Variants in DSCAM observed in about 807,000 individuals in gnomAD.
DSCAM encodes DS cell adhesion molecule.
A neutral mutation model predicts 217.7 loss-of-function variants in DSCAM; 47 were observed. The observed-to-expected ratio is 0.22, with a 90% CI of 0.17 to 0.28. The LOEUF (loss-of-function observed/expected upper bound fraction) is 0.28, where lower values mean the gene tolerates loss of function less well. DSCAM is among the 10% of genes least tolerant of loss of function. The probability of loss-of-function intolerance (pLI) is 1.00; values close to 1 mark genes in which losing one functional copy is unlikely to be tolerated. For missense variants in DSCAM, 2,080 were observed against 2,618.3 expected, an observed-to-expected ratio of 0.79 and a Z score of 4.49; for synonymous variants, 1,056 against 1,015.3, an observed-to-expected ratio of 1.04 and a Z score of -0.76.
chr21:40,271,986 C>T, intron 11 of DSCAM, among the ~76,000 whole-genome samples: 1 of 152,152 alleles, frequency 6.6e-6, no homozygotes, highest in East Asian at 1.9e-4. Context: ...AGGAATAGAC[C>T]TGTCTCCTGG....
At chr21:40,611,428 CAT>C (rs1482092368) in intron 3 of DSCAM, among the ~76,000 whole-genome samples, 2 of 152,112 alleles carry the variant, frequency 1.3e-5, no homozygotes, top group East Asian at 3.8e-4. Flanking sequence ...ACATGTAATT[CAT>C]ATGAAATATC....
intron 3 of DSCAM, among the ~76,000 whole-genome samples, chr21:40,546,494 C>T (rs1317055180): frequency 6.6e-6 from 1 of 152,198 alleles, no homozygotes; most frequent in South Asian, 2.1e-4. Flanking sequence ...CTCTGAGCCA[C>T]CTCAGTTTCC....
intron 32 of DSCAM, among the ~76,000 whole-genome samples, chr21:40,030,354 C>T (rs1444691453): frequency 6.6e-6 from 1 of 152,102 alleles, no homozygotes; most frequent in South Asian, 2.1e-4. Context: ...TCGTTCCCGA[C>T]TGTGGTGAGT....
intron 4 of DSCAM, among the ~76,000 whole-genome samples, chr21:40,362,682 T>C (rs889724144): frequency 2.0e-5 from 3 of 152,204 alleles, no homozygotes; most frequent in African/African-American, 4.8e-5. Context: ...ACAGCAGCTA[T>C]AGGAAAGACA....
intron 3 of DSCAM, among the ~76,000 whole-genome samples, chr21:40,612,016 C>T (rs1012811046): frequency 6.6e-6 from 1 of 152,154 alleles, no homozygotes; most frequent in Non-Finnish European, 1.5e-5. Flanking sequence ...TTGAAATACA[C>T]AGAGCAGGAC....
chr21:40,146,194 G>C (rs1334927647), intron 16 of DSCAM, among the ~76,000 whole-genome samples: 4 of 149,974 alleles, frequency 2.7e-5, no homozygotes, highest in Non-Finnish European at 5.9e-5. Context: ...AGGCCAGCAG[G>C]CATCTAGAAA....
chr21:40,334,781 G>A (rs1004157943), intron 8 of DSCAM, among the ~76,000 whole-genome samples: 3 of 152,086 alleles, frequency 2.0e-5, no homozygotes, highest in South Asian at 2.1e-4. Context: ...TGGAGTATCT[G>A]GGACTACGGG....
At chr21:40,203,865 G>T (rs1304373118) in intron 11 of DSCAM, among the ~76,000 whole-genome samples, 2 of 152,108 alleles carry the variant, frequency 1.3e-5, no homozygotes, top group Non-Finnish European at 2.9e-5. Context: ...GGATCATACA[G>T]ATTTAAAAAT....
At chr21:40,677,992 T>C (rs937126846) in intron 3 of DSCAM, among the ~76,000 whole-genome samples, 2 of 152,214 alleles carry the variant, frequency 1.3e-5, no homozygotes, top group African/African-American at 4.8e-5. Flanking sequence ...ATAATACTTT[T>C]TTTTCAGAAA....
chr21:40,448,171 A>G (rs2037913), intron 3 of DSCAM, among the ~76,000 whole-genome samples: 30,857 of 152,060 alleles, frequency 0.2, 3,824 homozygotes, highest in African/African-American at 0.34. Context: ...TTAATTCTGG[A>G]TGTGTCTGTG....
chr21:40,274,845 T>C (rs2123376374), intron 11 of DSCAM, among the ~76,000 whole-genome samples: 1 of 152,296 alleles, frequency 6.6e-6, no homozygotes, highest in South Asian at 2.1e-4. Flanking sequence ...TTGGAAATAG[T>C]GGACTAACTA....
At chr21:40,497,978 C>T (rs1262542655) in intron 3 of DSCAM, among the ~76,000 whole-genome samples, 1 of 152,160 alleles carries the variant, frequency 6.6e-6, no homozygotes, top group African/African-American at 2.4e-5. Flanking sequence ...TATAATCCAA[C>T]AGACTCATCA....
chr21:40,336,747 T>C (rs1260209884), intron 8 of DSCAM, among the ~76,000 whole-genome samples: 1 of 152,226 alleles, frequency 6.6e-6, no homozygotes, highest in Non-Finnish European at 1.5e-5. Flanking sequence ...ATTCACTTGT[T>C]TTATTTGTTT....
At chr21:40,556,664 A>ACG (rs1555856743) in intron 3 of DSCAM, among the ~76,000 whole-genome samples, 2 of 151,398 alleles carry the variant, frequency 1.3e-5, no homozygotes, top group African/African-American at 4.8e-5. Context: ...AGAGAGAGAG[A>ACG]GGGGAGGTAC....
chr21:40,619,828 T>C (rs1256105924), intron 3 of DSCAM, among the ~76,000 whole-genome samples: 7 of 145,726 alleles, frequency 4.8e-5, no homozygotes, highest in Admixed American at 2.7e-4. Flanking sequence ...ACAGAGAAGA[T>C]TTTAAGCATG....
intron 10 of DSCAM, among the ~76,000 whole-genome samples, chr21:40,283,233 G>A (rs2073786360): frequency 6.6e-6 from 1 of 152,174 alleles, no homozygotes; most frequent in Non-Finnish European, 1.5e-5. Flanking sequence ...GTAAAATCCT[G>A]TAATCTTCTT....
intron 3 of DSCAM, among the ~76,000 whole-genome samples, chr21:40,666,595 G>A (rs376894552): frequency 6.6e-6 from 1 of 152,200 alleles, no homozygotes; most frequent in Non-Finnish European, 1.5e-5. Context: ...GGCTTTCAGA[G>A]GGAAGGATTC....
rs796538294 is a variant in DSCAM, at chr21:40,134,026, A to C, written c.3407-17T>G. On this transcript the variant is annotated splice_polypyrimidine_tract_variant and intron_variant, in intron 18 of 32. Coordinates refer to ENST00000400454, the MANE Select transcript of DSCAM (RefSeq NM_001389.5). ...CACCCAGCTCTGGAGGACAAGAACAAGAAAACAAAATCCCACTTCTGAGCC... is the reference window on the plus strand; with the variant it reads ...CACCCAGCTCTGGAGGACAAGAACACGAAAACAAAATCCCACTTCTGAGCC... 1.3e-6 allele frequency: 2 copies of C among 1,599,452 alleles called. No individual in the cohort carries two copies. The highest frequency in any genetic ancestry group is 2.7e-5 in the African/African-American group (2 of 74,422).
chr21:40,306,054 T>C (rs2074071623), intron 9 of DSCAM, among the ~76,000 whole-genome samples: 1 of 152,008 alleles, frequency 6.6e-6, no homozygotes, highest in African/African-American at 2.4e-5. Context: ...TTTCACAATA[T>C]TGATTCTTCC....
Sources: gnomAD v4.1 joint callset for allele counts (sites outside exome capture counted in the v4.1 genomes callset) on GRCh38, gnomAD v4.1.1 for gene constraint, MANE v1.5 for transcripts, NCBI Gene and HGNC (gene_info 2026-07-23, HGNC 2026-07-21) for gene names.